TAFA5: variants seen among roughly 807,000 people sequenced by gnomAD.
TAFA5 encodes TAFA chemokine like family member 5.
In TAFA5, 6 loss-of-function variants were observed where a neutral mutation model predicts 15.3. The observed-to-expected ratio is 0.39, with a 90% CI of 0.21 to 0.77. The LOEUF (loss-of-function observed/expected upper bound fraction) is 0.77. TAFA5 is among the 30% of genes least tolerant of loss of function. TAFA5 has a pLI of 0.41. For missense variants in TAFA5, 161 were observed against 193.1 expected (o/e 0.83, Z 0.98); for synonymous variants, 103 against 80.7 (o/e 1.28, Z -1.48).
chr22:48,604,608 T>G (rs536769062), intron 1 of TAFA5, among the ~76,000 whole-genome samples: 1 of 152,210 alleles, frequency 6.6e-6, no homozygotes, highest in South Asian at 2.1e-4. Context: ...GTCCTCTTGC[T>G]TTGTTTTCGA....
At chr22:48,660,809 G>A (rs190828881) in intron 2 of TAFA5, among the ~76,000 whole-genome samples, 1 of 152,180 alleles carries the variant, frequency 6.6e-6, no homozygotes, top group African/African-American at 2.4e-5. Context: ...CTCACCTTCT[G>A]GGTGGGTTTT....
intron 1 of TAFA5, among the ~76,000 whole-genome samples, chr22:48,503,316 A>G (rs958294273): frequency 2.0e-5 from 3 of 152,224 alleles, no homozygotes; most frequent in Non-Finnish European, 4.4e-5. Context: ...TGCCAGGTGC[A>G]TGGGAAGCCA....
chr22:48,673,918 G>A (rs977971652), intron 2 of TAFA5, among the ~76,000 whole-genome samples: 2 of 152,228 alleles, frequency 1.3e-5, no homozygotes, highest in Admixed American at 1.3e-4. Context: ...TACTAGGGGT[G>A]GGAGGGCTGG....
chr22:48,705,052 G>A (rs1929036227), intron 2 of TAFA5, among the ~76,000 whole-genome samples: 1 of 152,042 alleles, frequency 6.6e-6, no homozygotes, highest in Admixed American at 6.5e-5. Context: ...AGGAATCCTG[G>A]CAGATCAGGG....
At chr22:48,548,381 T>C (rs559227652) in intron 1 of TAFA5, among the ~76,000 whole-genome samples, 1 of 152,354 alleles carries the variant, frequency 6.6e-6, no homozygotes, top group Admixed American at 6.5e-5. Context: ...CCATGCCTTT[T>C]AGCATGAGCT....
intron 2 of TAFA5, among the ~76,000 whole-genome samples, chr22:48,652,571 C>T (rs921453687): frequency 6.6e-5 from 10 of 152,280 alleles, no homozygotes; most frequent in African/African-American, 1.2e-4. Flanking sequence ...GGCCACCCAG[C>T]GCCATCCAGG....
intron 1 of TAFA5, among the ~76,000 whole-genome samples, chr22:48,499,593 G>A (rs767735370): frequency 2.0e-5 from 3 of 152,164 alleles, no homozygotes; most frequent in Non-Finnish European, 2.9e-5. Context: ...AGGGCCCTCC[G>A]CAGGGGGGTG....
intron 2 of TAFA5, chr22:48,693,157 C>T: frequency 1.2e-6 from 1 of 825,456 alleles, no homozygotes; most frequent in Non-Finnish European, 1.9e-6. Context: ...GTCGAAGCCT[C>T]TGCTGGAAAA....
Position 48,745,015 on chromosome 22 carries a change from C to G in TAFA5, c.391-4824C>G, listed in dbSNP as rs138108559. ...AGGTGATCCACCTGCCTTGGCCTCC[C>G]AAAGTGCTGGGATTACGGGCGTGAG... is the stretch of plus-strand genomic sequence containing the variant. On this transcript the variant is annotated intron_variant, in intron 3 of 3. Transcript: ENST00000402357. Among the ~76,000 whole-genome samples, 1,219 of 152,296 alleles carry G rather than the reference C, an allele frequency of 8.0e-3. 20 individuals carry two copies. Among genetic ancestry groups the G allele is most frequent in the African/African-American group, 0.028 (1,175 of 41,570 alleles).
intron 2 of TAFA5, among the ~76,000 whole-genome samples, chr22:48,650,788 A>G (rs1156933150): frequency 2.0e-5 from 3 of 149,008 alleles, no homozygotes; most frequent in South Asian, 2.2e-4. Flanking sequence ...TACACACAGT[A>G]TCAGCCACCG....
chr22:48,749,382 TG>T (rs574857606), intron 3 of TAFA5, among the ~76,000 whole-genome samples: 3 of 152,004 alleles, frequency 2.0e-5, no homozygotes, highest in African/African-American at 7.2e-5. Context: ...GGCTCCGTGG[TG>T]GGGGTGCGGC....
chr22:48,539,187 A>G, intron 1 of TAFA5: 1 of 311,558 alleles, frequency 3.2e-6, no homozygotes, highest in Non-Finnish European at 6.5e-6. Context: ...CTTGGTAAAT[A>G]ATGACATTTC....
chr22:48,682,236 A>G (rs908222741), intron 2 of TAFA5, among the ~76,000 whole-genome samples: 4 of 152,158 alleles, frequency 2.6e-5, no homozygotes, highest in African/African-American at 9.7e-5. Flanking sequence ...CAGCCTCAGG[A>G]ATGACCTGAC....
chr22:48,579,677 G>C (rs908458706), intron 1 of TAFA5, among the ~76,000 whole-genome samples: 2 of 152,304 alleles, frequency 1.3e-5, no homozygotes, highest in East Asian at 3.9e-4. Flanking sequence ...TATTTTTCTG[G>C]AAGTCTTGAG....
intron 3 of TAFA5, among the ~76,000 whole-genome samples, chr22:48,744,645 C>T (rs1416786545): frequency 6.6e-6 from 1 of 152,214 alleles, no homozygotes; most frequent in Non-Finnish European, 1.5e-5. Flanking sequence ...TGTGCTCTTC[C>T]GGCGACACGG....
intron 1 of TAFA5, among the ~76,000 whole-genome samples, chr22:48,567,592 T>C (rs1354896963): frequency 6.6e-6 from 1 of 152,142 alleles, no homozygotes; most frequent in African/African-American, 2.4e-5. Context: ...GCAGGTGGCC[T>C]GAGGAGAGGG....
chr22:48,747,705 C>CA (rs1009405967), intron 3 of TAFA5, among the ~76,000 whole-genome samples: 3 of 151,928 alleles, frequency 2.0e-5, no homozygotes, highest in African/African-American at 7.3e-5. Context: ...GAGACCAGCC[C>CA]AGCCAACATG....
chr22:48,713,182 G>A (rs539735546), intron 3 of TAFA5, among the ~76,000 whole-genome samples: 5 of 152,318 alleles, frequency 3.3e-5, no homozygotes, highest in East Asian at 1.9e-4. Context: ...AAAATTCAGC[G>A]GGGTTTCTGT....
chr22:48,535,924 T>A (rs567187878), intron 1 of TAFA5, among the ~76,000 whole-genome samples: 12 of 152,156 alleles, frequency 7.9e-5, no homozygotes, highest in Admixed American at 3.9e-4. Context: ...TATACGTAGG[T>A]GTGAGCACAC....
Sources: gnomAD v4.1 joint callset for allele counts (sites outside exome capture counted in the v4.1 genomes callset) on GRCh38, gnomAD v4.1.1 for gene constraint, MANE v1.5 for transcripts, NCBI Gene and HGNC (gene_info 2026-07-23, HGNC 2026-07-21) for gene names.